Variants in OPRM1 observed in about 807,000 individuals in gnomAD.
OPRM1 encodes mu-type opioid receptor.
In OPRM1, 27 loss-of-function variants were observed where a neutral mutation model predicts 31.8. The observed-to-expected ratio is 0.85, with a 90% CI of 0.63 to 1.17. The LOEUF (loss-of-function observed/expected upper bound fraction) is 1.17, where lower values mean the gene tolerates loss of function less well. OPRM1 is among the 50% of genes most tolerant of loss of function. The pLI, the probability that OPRM1 is intolerant of heterozygous loss-of-function variation, is 0.00. For missense variants in OPRM1, 536 were observed against 511.1 expected, an observed-to-expected ratio of 1.05 and a Z score of -0.47; for synonymous variants, 196 against 189.9, an observed-to-expected ratio of 1.03 and a Z score of -0.26.
chr6:154,111,136 CT>C (rs1796317282), intron 3 of OPRM1, among the ~76,000 whole-genome samples: 1 of 152,128 alleles, frequency 6.6e-6, no homozygotes, highest in African/African-American at 2.4e-5. Context: ...TTGAATTCTT[CT>C]TTGCTGAAGT....
rs543182732 is a variant in OPRM1, at chr6:154,087,611, G to T, written c.291-2215G>T. 1.1e-5 allele frequency: 11 copies of T among 984,454 alleles called. No individual in the cohort carries two copies. In the Admixed American group the frequency reaches 4.3e-4, roughly 38 times the overall value. 61.0% of individuals were successfully genotyped at this position (984,454 alleles called of 1,614,324 possible). ...CTGCAGGAAAACTAATACACTCTTT[G>T]TCCATAAGTCTCAAAATAAACTCTC... is the stretch of plus-strand genomic sequence containing the variant. On this transcript the variant is annotated intron_variant, in intron 1 of 3. Coordinates refer to ENST00000330432, the MANE Select transcript of OPRM1 (RefSeq NM_000914.5).
At position 154,118,860 on chromosome 6, in the gene OPRM1, C is replaced by G. The variant is rs1284958130; in HGVS notation, c.*139C>G. On this transcript the variant is annotated 3_prime_UTR_variant, in exon 4 of 4. Transcript: ENST00000330432. ...TTAGGTCATCCAACCTCTTTCCTCT[C>G]TGGCCACTCTGCTCTGCACATTAGA... is the stretch of plus-strand genomic sequence containing the variant. 1.3e-6 allele frequency: 2 copies of G among 1,501,586 alleles called. No homozygotes were observed. Among genetic ancestry groups the G allele is most frequent in the African/African-American group, 1.4e-5 (1 of 71,684 alleles). 93.0% of individuals were successfully genotyped at this position (1,501,586 alleles called of 1,614,324 possible). A position where few individuals can be genotyped will look rare whatever the true frequency, so the allele number is the denominator to read the frequency against.
Position 154,129,847 on chromosome 6 carries a change from C to A in OPRM1, c.*11126C>A, listed in dbSNP as rs1297771044. ...GTACTTTACCACCGACACCCTCCCC[C>A]CCCAGCACACACACACACACACACA... On this transcript the variant is annotated 3_prime_UTR_variant, in exon 4 of 4. Coordinates refer to ENST00000330432, the MANE Select transcript of OPRM1 (RefSeq NM_000914.5). 7.7e-6 allele frequency among the ~76,000 whole-genome samples: 1 copy of A among 130,688 alleles called. No homozygotes were observed. The highest frequency in any genetic ancestry group is 7.3e-5 in the Admixed American group (1 of 13,660). 85.7% of individuals were successfully genotyped at this position (130,688 alleles called of 152,430 possible). A position where few individuals can be genotyped will look rare whatever the true frequency, so the allele number is the denominator to read the frequency against.
At chr6:154,207,731 G>C (rs1777621418) in intron 3 of OPRM1, among the ~76,000 whole-genome samples, 1 of 151,882 alleles carries the variant, frequency 6.6e-6, no homozygotes, top group Non-Finnish European at 1.5e-5. Context: ...TTTCCTTATT[G>C]CTTCTTTTGT....
chr6:154,059,771 A>G (rs1371086794), intron 1 of OPRM1, among the ~76,000 whole-genome samples: 4 of 152,218 alleles, frequency 2.6e-5, no homozygotes, highest in Non-Finnish European at 5.9e-5. Context: ...TGTTATGTTA[A>G]TGCTACATTT....
Position 154,154,558 on chromosome 6 carries a change from C to G in OPRM1, c.1164+63086C>G, listed in dbSNP as rs143719571. On this transcript the variant is annotated intron_variant, in intron 3 of 3. Coordinates refer to the OPRM1 transcript ENST00000337049. ...ACAAGTCTAGAAGCGATTTTGATGA[C>G]TGCCACCAGAGGGCACTGTAACCTT... 7.0e-4 allele frequency: 106 copies of G among 152,300 alleles called. 1 individual carries two copies. The highest frequency in any genetic ancestry group is 2.4e-3 in the African/African-American group (100 of 41,570). 9.4% of individuals were successfully genotyped at this position (152,300 alleles called of 1,614,324 possible).
chr6:154,072,640 T>G (rs749453011), intron 1 of OPRM1, among the ~76,000 whole-genome samples: 1 of 152,228 alleles, frequency 6.6e-6, no homozygotes, highest in East Asian at 1.9e-4. Context: ...CATACATTAG[T>G]TTATGAAAAT....
chr6:154,013,498 T>C (rs1156661094), intron 1 of OPRM1, among the ~76,000 whole-genome samples: 1 of 152,120 alleles, frequency 6.6e-6, no homozygotes, highest in Non-Finnish European at 1.5e-5. Context: ...TGGACAAAAT[T>C]TTCTGCCTTC....
In OPRM1 at chr6:154,123,173, A is replaced by G. The variant is rs1304065089; in HGVS notation, c.*4452A>G. Among the ~76,000 whole-genome samples the G allele has an allele frequency of 6.6e-6, 1 of 152,192 alleles. No homozygotes were observed. The highest frequency in any genetic ancestry group is 1.5e-5 in the Non-Finnish European group (1 of 68,026). Reference sequence around the variant, plus strand: ...TTCTCTTATCTGAAAAGCTGTCTGTACAACTGCCTCTATCTATGCAGCTAT... The same window carrying G: ...TTCTCTTATCTGAAAAGCTGTCTGTGCAACTGCCTCTATCTATGCAGCTAT... On this transcript the variant is annotated 3_prime_UTR_variant, in exon 4 of 4. Coordinates refer to ENST00000330432, the MANE Select transcript of OPRM1 (RefSeq NM_000914.5).
At chr6:154,223,117 T>G in intron 3 of OPRM1, 1 of 1,331,082 alleles carries the variant, frequency 7.5e-7, no homozygotes, top group South Asian at 1.2e-5. Context: ...GTGAACATTA[T>G]GAAGAGATAG....
chr6:154,092,347 C>T (rs899537369), intron 3 of OPRM1, among the ~76,000 whole-genome samples: 4 of 152,174 alleles, frequency 2.6e-5, no homozygotes, highest in African/African-American at 9.7e-5. Flanking sequence ...CAATCAAATA[C>T]ATGGCTTAAT....
At chr6:154,081,269 C>T (rs1789057048) in intron 1 of OPRM1, among the ~76,000 whole-genome samples, 2 of 152,026 alleles carry the variant, frequency 1.3e-5, no homozygotes, top group South Asian at 2.1e-4. Context: ...TTTGGGAGGC[C>T]GAGGCAGGCA....
At chr6:154,064,952 A>G (rs1407879292) in intron 1 of OPRM1, among the ~76,000 whole-genome samples, 1 of 151,998 alleles carries the variant, frequency 6.6e-6, no homozygotes, top group Non-Finnish European at 1.5e-5. Context: ...TTCTTTTTCA[A>G]GATTATTTTG....
intron 3 of OPRM1, among the ~76,000 whole-genome samples, chr6:154,160,469 T>C (rs1225580862): frequency 2.0e-5 from 3 of 152,248 alleles, no homozygotes; most frequent in Non-Finnish European, 4.4e-5. Flanking sequence ...ACATAAAATA[T>C]GTCTTTTAAG....
At chr6:154,060,234 C>T (rs1174391625) in intron 1 of OPRM1, among the ~76,000 whole-genome samples, 2 of 152,126 alleles carry the variant, frequency 1.3e-5, no homozygotes, top group South Asian at 4.1e-4. Flanking sequence ...CCTACCCTAG[C>T]GACCAAAACA....
chr6:154,095,279 G>A (rs967586310), intron 3 of OPRM1, among the ~76,000 whole-genome samples: 26 of 152,206 alleles, frequency 1.7e-4, no homozygotes, highest in Admixed American at 3.3e-4. Flanking sequence ...CAACAAGAAC[G>A]AAACTCCATC....
chr6:154,194,990 C>T (rs1472941178), intron 3 of OPRM1, among the ~76,000 whole-genome samples: 2 of 152,066 alleles, frequency 1.3e-5, no homozygotes. Flanking sequence ...CAGTCTTCAC[C>T]CTGATAGGCA....
chr6:154,052,231 G>A (rs1016768130), intron 1 of OPRM1, among the ~76,000 whole-genome samples: 1 of 152,092 alleles, frequency 6.6e-6, no homozygotes, highest in Non-Finnish European at 1.5e-5. Flanking sequence ...AATGCATGAG[G>A]GGCTTAAAAC....
intron 3 of OPRM1, among the ~76,000 whole-genome samples, chr6:154,095,715 T>G (rs908088410): frequency 2.6e-5 from 4 of 152,212 alleles, no homozygotes; most frequent in Non-Finnish European, 4.4e-5. Flanking sequence ...TTTTTGTGCA[T>G]GCCTGGGCTC....
Sources: gnomAD v4.1 joint callset for allele counts (sites outside exome capture counted in the v4.1 genomes callset) on GRCh38, gnomAD v4.1.1 for gene constraint, MANE v1.5 for transcripts, NCBI Gene and HGNC (gene_info 2026-07-23, HGNC 2026-07-21) for gene names.